ROGDI: variants seen among roughly 807,000 people sequenced by gnomAD.
ROGDI encodes rogdi atypical leucine zipper.
ROGDI carries 46 observed loss-of-function variants against 43.1 expected under a neutral mutation model. The observed-to-expected ratio is 1.07, with a 90% CI of 0.84 to 1.37. ROGDI has a LOEUF of 1.37. ROGDI is among the 40% of genes most tolerant of loss of function. The pLI is 0.00. For synonymous variants in ROGDI, 243 were observed against 162.0 expected, an observed-to-expected ratio of 1.50 and a Z score of -3.80; for missense variants, 518 against 383.9, an observed-to-expected ratio of 1.35 and a Z score of -2.92.
In ROGDI at chr16:4,802,064, T is replaced by C. The variant is rs988923116; in HGVS notation, c.117+318A>G. 179 of 609,696 alleles carry C rather than the reference T, an allele frequency of 2.9e-4. 1 individual carries two copies. In the Admixed American group the frequency reaches 3.7e-3, roughly 13 times the overall value. The allele number at this position is 609,696 out of a possible 1,614,324, so 37.8% of individuals were successfully genotyped here. ...GCCCAGGGAGGTTCAGTGACTTGGC[T>C]GAAGTCACACTGCCAGGCAGAGGCA... On this transcript the variant is annotated intron_variant, in intron 2 of 10. Coordinates refer to ENST00000322048, the MANE Select transcript of ROGDI (RefSeq NM_024589.3).
intron 4 of ROGDI, 97 bp downstream of exon 4, chr16:4,801,167 GGTC>G: frequency 1.0e-6 from 1 of 967,982 alleles, no homozygotes; most frequent in Non-Finnish European, 1.5e-6. Context: ...AGAGATCAAG[GGTC>G]CCGCCCAGAG....
At position 4,798,051 on chromosome 16, in the gene ROGDI, G is replaced by A. The variant is rs776937076; in HGVS notation, c.645+20C>T. 24 of 1,613,202 alleles carry A rather than the reference G, an allele frequency of 1.5e-5. No homozygotes were observed. The highest frequency in any genetic ancestry group is 3.3e-5 in the Admixed American group (2 of 59,936). On this transcript the variant is annotated intron_variant, in intron 8 of 10. Coordinates refer to ENST00000322048, the MANE Select transcript of ROGDI (RefSeq NM_024589.3). ...GCGTGTGCATGGCGGGCAGTGGGCC[G>A]GGCAGGGGTCCCTCCTCACCTTGGT...
rs757436102 is a variant in ROGDI, at chr16:4,800,540, C to A, written c.294G>T (p.Leu98=). The change falls in exon 5 of 11, where the codon CTG becomes CTT. Residue 98 remains leucine (L), a synonymous_variant. Coordinates refer to ENST00000322048, the MANE Select transcript of ROGDI (RefSeq NM_024589.3). ...NLKMPRNNQL[L]HFAFREDKQW... Reference sequence around the variant, plus strand: ...GCTTGTCCTCCCGGAAGGCGAAGTGCAGCAGCTGGTTGTTCCGGGGCATCT... The same window carrying A: ...GCTTGTCCTCCCGGAAGGCGAAGTGAAGCAGCTGGTTGTTCCGGGGCATCT... 1 of 1,566,324 alleles carries A rather than the reference C, an allele frequency of 6.4e-7. No homozygotes were observed. The highest frequency in any genetic ancestry group is 1.2e-5 in the South Asian group (1 of 85,204).
chr16:4,802,184 G>A (rs935112471), intron 2 of ROGDI, 198 bp downstream of exon 2: 6 of 651,574 alleles, frequency 9.2e-6, no homozygotes, highest in African/African-American at 9.0e-5. Context: ...TAGCACCCTC[G>A]TCGGGACCCG....
Position 4,797,385 on chromosome 16 carries a change from C to T in ROGDI, c.*75G>A. 7.1e-7 allele frequency: 1 copy of T among 1,407,062 alleles called. No homozygotes were observed. Among genetic ancestry groups the T allele is most frequent in the Non-Finnish European group, 9.8e-7 (1 of 1,016,440 alleles). 87.2% of individuals were successfully genotyped at this position (1,407,062 alleles called of 1,614,324 possible). A position where few individuals can be genotyped will look rare whatever the true frequency, so the allele number is the denominator to read the frequency against. ...GATAAATAGCAGCCTGGCGTTGGCA[C>T]TGGCTGGTGCTCTGTGGTGGGTATG... On this transcript the variant is annotated 3_prime_UTR_variant, in exon 11 of 11. Transcript: ENST00000322048.
chr16:4,800,438 CG>C, intron 5 of ROGDI, 59 bp downstream of exon 5: 5 of 1,395,328 alleles, frequency 3.6e-6, no homozygotes, highest in Non-Finnish European at 5.0e-6. Context: ...GGAGGCCCCG[CG>C]GCAGGCCTGC....
intron 7 of ROGDI, 70 bp from the exon 8 acceptor site, chr16:4,798,254 G>A (rs577019256): frequency 1.6e-6 from 2 of 1,285,848 alleles, no homozygotes; most frequent in African/African-American, 2.9e-5. Context: ...GGGCTCTGCA[G>A]TCACTCATGG....
Position 4,797,958 on chromosome 16 carries a change from C to A in ROGDI, c.675G>T (p.Leu225=), listed in dbSNP as rs752089137. ...CTTACAACATGGCCCCAGGGCTATG[C>A]AGCACCGCGCCCCCAGCTGGGCGGA... ...KNFRPAGGAV[L]HSPGAMFEWG... The change falls in exon 9 of 11, where the codon CTG becomes CTT. Residue 225 remains leucine, a synonymous_variant. Transcript: ENST00000322048. 3 of 1,604,848 alleles carry A rather than the reference C, an allele frequency of 1.9e-6. No individual in the cohort carries two copies. The African/African-American group carries it at 4.0e-5, about 21-fold the overall frequency.
intron 7 of ROGDI, 104 bp downstream of exon 7, chr16:4,798,465 C>T (rs1208777835): frequency 4.4e-6 from 4 of 914,510 alleles, no homozygotes; most frequent in Non-Finnish European, 6.5e-6. Context: ...CAGAATATTC[C>T]ACCTATAATC....
At chr16:4,800,173 G>A (rs1420501812) in intron 5 of ROGDI, among the ~76,000 whole-genome samples, 1 of 152,168 alleles carries the variant, frequency 6.6e-6, no homozygotes, top group East Asian at 1.9e-4. Context: ...CATCCCCAGA[G>A]CCATGGCAAG....
chr16:4,802,247 G>A lies in ROGDI; in HGVS notation c.117+135C>T, dbSNP rs998421109. ...AATGAGGTCGGCTCGAGTTCGCGGA[G>A]GCGGGGCCCTGCCTGAAAGCCGCGG... On this transcript the variant is annotated intron_variant, in intron 2 of 10. Transcript: ENST00000322048. The A allele has an allele frequency of 2.6e-5, 21 of 809,150 alleles. No homozygotes were observed. The African/African-American group carries it at 3.4e-4, about 13-fold the overall frequency. The allele number at this position is 809,150 out of a possible 1,614,324, so 50.1% of individuals were successfully genotyped here. A position where few individuals can be genotyped will look rare whatever the true frequency, so the allele number is the denominator to read the frequency against.
In ROGDI at chr16:4,797,390, T is replaced by C. The variant is rs749034241; in HGVS notation, c.*70A>G. On this transcript the variant is annotated 3_prime_UTR_variant, in exon 11 of 11. Coordinates refer to ENST00000322048, the MANE Select transcript of ROGDI (RefSeq NM_024589.3). The stretch of plus-strand genomic sequence containing the variant: ...ATAGCAGCCTGGCGTTGGCACTGGC[T>C]GGTGCTCTGTGGTGGGTATGAGTAG... The C allele has an allele frequency of 6.9e-7, 1 of 1,444,020 alleles. No individual in the cohort carries two copies. The highest frequency in any genetic ancestry group is 1.9e-5 in the Admixed American group (1 of 52,988). The allele number at this position is 1,444,020 out of a possible 1,614,324, so 89.5% of individuals were successfully genotyped here.
chr16:4,797,788 C>T lies in ROGDI; in HGVS notation c.748G>A (p.Val250Met), dbSNP rs749565672. 6.8e-6 allele frequency: 11 copies of T among 1,613,470 alleles called. No homozygotes were observed. Among genetic ancestry groups the T allele is most frequent in the South Asian group, 1.1e-5 (1 of 91,094 alleles). ...AGGGCGTCGTTGAGCCAGGGGATCA[C>T]GCACTCCACTTTGTGCACGTGGCTC... Reference protein sequence around the residue: ...EVSHVHKVECVIPWLNDALVY... With the variant: ...EVSHVHKVECMIPWLNDALVY... Residue 250 changes from valine to methionine, a missense_variant, in exon 10 of 11, where the codon GTG (valine) becomes ATG (methionine). By Grantham distance (21) the Val-to-Met change is conservative. Transcript: ENST00000322048.
chr16:4,800,272 C>T (rs1406157181), intron 5 of ROGDI, among the ~76,000 whole-genome samples: 2 of 152,180 alleles, frequency 1.3e-5, no homozygotes, highest in Admixed American at 6.5e-5. Context: ...TCCACAGTCC[C>T]GATGTGGCCC....
At chr16:4,797,871 G>T (rs1420737283) in intron 9 of ROGDI, 31 bp from the exon 10 acceptor site, 12 of 1,608,322 alleles carry the variant, frequency 7.5e-6, no homozygotes, top group Admixed American at 3.3e-5. Flanking sequence ...CCTGAGGAGG[G>T]TCCCGGCCCT....
rs765281930 is a variant in ROGDI, at chr16:4,797,705, C to T, written c.822+9G>A. On this transcript the variant is annotated intron_variant, in intron 10 of 10. Transcript: ENST00000322048. The stretch of plus-strand genomic sequence containing the variant: ...CTTCCCCTAATGAAGGCGCTCGGCC[C>T]GGGCCCACCTTGTCCTTGAGCTGCT... 6.4e-5 allele frequency: 104 copies of T among 1,613,916 alleles called. No individual in the cohort carries two copies. The highest frequency in any genetic ancestry group is 4.9e-4 in the Middle Eastern group (3 of 6,084).
In ROGDI at chr16:4,798,629, T is replaced by G; in HGVS notation, c.471A>C (p.Arg157=). Residue 157 remains arginine, a synonymous_variant, in exon 7 of 11, where the codon CGA becomes CGC. Transcript: ENST00000322048. The part of the protein sequence containing the change: ...DAVMLQLTRA[R]NRLTTPATLT... ...GGGTGGCGGGGGTGGTGAGCCGGTT[T>G]CGGGCTCTGGTCAGCTGCAGCATCA... 14 of 1,574,672 alleles carry G rather than the reference T, an allele frequency of 8.9e-6. No individual in the cohort carries two copies. Among genetic ancestry groups the G allele is most frequent in the Non-Finnish European group, 1.2e-5 (14 of 1,164,372 alleles).
chr16:4,798,089 C>A lies in ROGDI; in HGVS notation c.627G>T (p.Leu209=). The A allele has an allele frequency of 6.2e-7, 1 of 1,613,974 alleles. No individual in the cohort carries two copies. Among genetic ancestry groups the A allele is most frequent in the Non-Finnish European group, 8.5e-7 (1 of 1,179,918 alleles). ...LCLTVYQLHA[L]QPNSTKNFRP... ...TCCTCACCTTGGTGGAGTTGGGCTG[C>A]AGGGCATGCAGCTGGTACACCGTGA... is the stretch of plus-strand genomic sequence containing the variant. The change falls in exon 8 of 11, where the codon CTG becomes CTT. Residue 209 remains leucine (L), a synonymous_variant. Transcript: ENST00000322048.
At chr16:4,798,211 C>T in intron 7 of ROGDI, 27 bp from the exon 8 acceptor site, 2 of 1,582,126 alleles carry the variant, frequency 1.3e-6, no homozygotes, top group Non-Finnish European at 1.7e-6. Context: ...GGATGAGGCC[C>T]TCGCAAGCCC....
Sources: gnomAD v4.1 joint callset for allele counts (sites outside exome capture counted in the v4.1 genomes callset) on GRCh38, gnomAD v4.1.1 for gene constraint, MANE v1.5 for transcripts, NCBI Gene and HGNC (gene_info 2026-07-23, HGNC 2026-07-21) for gene names.